The following GFRA1 variants were observed in gnomAD, a reference collection of about 807,000 sequenced individuals.
GFRA1 encodes GDNF family receptor alpha 1.
A neutral mutation model predicts 51.6 loss-of-function variants in GFRA1; 16 were observed. The observed-to-expected ratio is 0.31, with a 90% CI of 0.21 to 0.47. The LOEUF is 0.47. GFRA1 is among the 20% of genes least tolerant of loss of function. The probability of loss-of-function intolerance (pLI) is 1.00; values close to 1 mark genes in which losing one functional copy is unlikely to be tolerated. For missense variants in GFRA1, 530 were observed against 594.3 expected, an observed-to-expected ratio of 0.89 and a Z score of 1.13; for synonymous variants, 270 against 241.3, an observed-to-expected ratio of 1.12 and a Z score of -1.10.
At chr10:116,230,165 T>C (rs1966588639) in intron 4 of GFRA1, among the ~76,000 whole-genome samples, 1 of 152,208 alleles carries the variant, frequency 6.6e-6, no homozygotes. Flanking sequence ...ACAGGGTATC[T>C]GAGGACTTGG....
intron 5 of GFRA1, among the ~76,000 whole-genome samples, chr10:116,145,866 G>A (rs904301970): frequency 9.2e-5 from 14 of 152,050 alleles, no homozygotes; most frequent in African/African-American, 3.4e-4. Flanking sequence ...ACTACAAATG[G>A]CAATGAAAAT....
chr10:116,243,706 G>A (rs774574673), intron 4 of GFRA1, among the ~76,000 whole-genome samples: 9 of 152,076 alleles, frequency 5.9e-5, no homozygotes, highest in Admixed American at 1.3e-4. Flanking sequence ...GGGCACTGGA[G>A]CTTCCATTTG....
At chr10:116,070,759 C>CTTT (rs773344299) in intron 9 of GFRA1, among the ~76,000 whole-genome samples, 2,120 of 97,638 alleles carry the variant, frequency 0.022, 68 homozygotes, top group African/African-American at 0.091. Context: ...AGTCTGGAGC[C>CTTT]TTTTTTTTTT....
intron 5 of GFRA1, among the ~76,000 whole-genome samples, chr10:116,127,021 G>A (rs1424177493): frequency 1.3e-5 from 2 of 151,882 alleles, no homozygotes; most frequent in Admixed American, 6.6e-5. Flanking sequence ...CTGATTCCAC[G>A]TATAGGAGGA....
At chr10:116,112,698 G>A (rs1028966100) in intron 6 of GFRA1, among the ~76,000 whole-genome samples, 2 of 152,230 alleles carry the variant, frequency 1.3e-5, no homozygotes, top group African/African-American at 4.8e-5. Context: ...GCATCTCTCA[G>A]AGCAAGAAAC....
intron 9 of GFRA1, among the ~76,000 whole-genome samples, chr10:116,080,771 AC>A (rs1955815487): frequency 6.6e-6 from 1 of 152,286 alleles, no homozygotes; most frequent in Admixed American, 6.5e-5. Flanking sequence ...CAGGGTTGGG[AC>A]TTGAGCCACA....
chr10:116,232,825 G>A (rs549849089), intron 4 of GFRA1, among the ~76,000 whole-genome samples: 8 of 152,096 alleles, frequency 5.3e-5, no homozygotes, highest in African/African-American at 1.2e-4. Context: ...CTGAGGCCCC[G>A]TCTTTGATAA....
chr10:116,173,028 C>T (rs1018405956), intron 5 of GFRA1, among the ~76,000 whole-genome samples: 1 of 152,224 alleles, frequency 6.6e-6, no homozygotes, highest in Non-Finnish European at 1.5e-5. Context: ...CAACAGTAAT[C>T]TGGATACAGA....
chr10:116,106,872 C>A (rs1295019573), intron 6 of GFRA1, among the ~76,000 whole-genome samples: 2 of 151,602 alleles, frequency 1.3e-5, no homozygotes, highest in Non-Finnish European at 2.9e-5. Context: ...TGATAGTGTT[C>A]TTGGGAGGTC....
intron 5 of GFRA1, among the ~76,000 whole-genome samples, chr10:116,162,164 C>T (rs1959881914): frequency 6.7e-6 from 1 of 149,822 alleles, no homozygotes; most frequent in African/African-American, 2.6e-5. Flanking sequence ...TAAACGGCAC[C>T]AAGACTGGGT....
chr10:116,142,043 A>G (rs1164456927), intron 5 of GFRA1, among the ~76,000 whole-genome samples: 1 of 152,222 alleles, frequency 6.6e-6, no homozygotes, highest in Non-Finnish European at 1.5e-5. Flanking sequence ...CTAGATGACC[A>G]AACAAAAGAT....
chr10:116,070,655 A>G, intron 9 of GFRA1, among the ~76,000 whole-genome samples: 1 of 152,004 alleles, frequency 6.6e-6, no homozygotes, highest in East Asian at 1.9e-4. Context: ...CGTGATACCA[A>G]TTTGCCCAAA....
intron 4 of GFRA1, among the ~76,000 whole-genome samples, chr10:116,242,485 A>T (rs976221264): frequency 9.0e-5 from 13 of 144,836 alleles, no homozygotes; most frequent in Non-Finnish European, 1.5e-4. Flanking sequence ...CCATAAAAAC[A>T]TTTTTTTTTT....
intron 4 of GFRA1, among the ~76,000 whole-genome samples, chr10:116,225,311 C>T (rs1250613242): frequency 4.6e-5 from 7 of 151,798 alleles, no homozygotes; most frequent in African/African-American, 1.2e-4. Context: ...CCAAGGCAGG[C>T]GGATCACGAG....
intron 5 of GFRA1, among the ~76,000 whole-genome samples, chr10:116,208,367 C>T (rs180769319): frequency 1.3e-5 from 2 of 152,190 alleles, no homozygotes; most frequent in East Asian, 1.9e-4. Flanking sequence ...ATAAGTTCCA[C>T]GAAAACAGGA....
chr10:116,256,832 A>T (rs1160246373), intron 4 of GFRA1, among the ~76,000 whole-genome samples: 1 of 152,220 alleles, frequency 6.6e-6, no homozygotes, highest in Non-Finnish European at 1.5e-5. Context: ...CCATACCTCA[A>T]GTCCTCCAAA....
chr10:116,213,329 T>G (rs957840336), intron 4 of GFRA1, among the ~76,000 whole-genome samples: 21 of 152,216 alleles, frequency 1.4e-4, no homozygotes, highest in African/African-American at 4.6e-4. Context: ...GCAGCTGTTT[T>G]AAATGGCTAT....
In GFRA1 at chr10:116,112,837, G is replaced by A. The variant is rs572257071; in HGVS notation, c.770+12384C>T. Among the ~76,000 whole-genome samples the A allele has an allele frequency of 9.8e-5, 15 of 152,324 alleles. No homozygotes were observed. The South Asian group carries it at 3.1e-3, about 32-fold the overall frequency. On this transcript the variant is annotated intron_variant, in intron 6 of 10. Coordinates refer to ENST00000355422, the MANE Select transcript of GFRA1 (RefSeq NM_005264.8). ...GGAGGGGCTCCAGCGCTTGGCTGGG[G>A]CAGACATCCCACAGCCTCAGCATCC...
intron 5 of GFRA1, among the ~76,000 whole-genome samples, chr10:116,166,044 C>T (rs989829660): frequency 4.6e-5 from 7 of 152,124 alleles, no homozygotes; most frequent in South Asian, 2.1e-4. Context: ...TGAGAACATG[C>T]AGTATTTGGT....
Sources: allele counts gnomAD v4.1 joint callset (sites outside exome capture counted in the v4.1 genomes callset), GRCh38; gene constraint gnomAD v4.1.1; transcripts MANE v1.5; gene names NCBI Gene and HGNC (gene_info 2026-07-23, HGNC 2026-07-21).